XKR6: variants seen among roughly 807,000 people sequenced by gnomAD.
XKR6 encodes XK-related protein 6.
In XKR6, 22 loss-of-function variants were observed where a neutral mutation model predicts 56.7. That is an observed-to-expected ratio of 0.39 (90% CI 0.28 to 0.55). The LOEUF (loss-of-function observed/expected upper bound fraction) is 0.55, where lower values mean the gene tolerates loss of function less well. Among genes scored for constraint, XKR6 ranks in the 20% least tolerant of loss-of-function variants. XKR6 has a pLI of 0.66. For synonymous variants in XKR6, 524 were observed against 387.8 expected (o/e 1.35, Z -4.13); for missense variants, 852 against 889.0 (o/e 0.96, Z 0.53).
chr8:10,899,570 G>A (rs1252640102), intron 2 of XKR6, among the ~76,000 whole-genome samples: 1 of 152,174 alleles, frequency 6.6e-6, no homozygotes, highest in African/African-American at 2.4e-5. Context: ...ACCCACTCTG[G>A]TCTTTTCGGC....
At chr8:10,962,390 A>T (rs1802090368) in intron 1 of XKR6, among the ~76,000 whole-genome samples, 1 of 152,044 alleles carries the variant, frequency 6.6e-6, no homozygotes, top group Non-Finnish European at 1.5e-5. Flanking sequence ...GCTGCAGTGA[A>T]CCCCAAGAGG....
At chr8:10,901,214 C>T (rs1800028261) in intron 2 of XKR6, among the ~76,000 whole-genome samples, 1 of 151,954 alleles carries the variant, frequency 6.6e-6, no homozygotes, top group African/African-American at 2.4e-5. Context: ...CACCACCATG[C>T]CTGGGTAATT....
At chr8:11,025,493 T>C (rs775750233) in intron 1 of XKR6, among the ~76,000 whole-genome samples, 4 of 152,102 alleles carry the variant, frequency 2.6e-5, no homozygotes, top group African/African-American at 9.7e-5. Flanking sequence ...CAGAGACACA[T>C]ACTTTCCCTC....
At chr8:11,192,683 T>G (rs755951598) in intron 1 of XKR6, among the ~76,000 whole-genome samples, 1 of 152,180 alleles carries the variant, frequency 6.6e-6, no homozygotes, top group African/African-American at 2.4e-5. Flanking sequence ...TATTTCCCTG[T>G]GTGCTTCAAA....
At chr8:11,058,852 T>G (rs1298359883) in intron 1 of XKR6, among the ~76,000 whole-genome samples, 1 of 152,116 alleles carries the variant, frequency 6.6e-6, no homozygotes, top group East Asian at 1.9e-4. Context: ...TTAGTAAAAT[T>G]TTTAAAAAAA....
chr8:11,128,178 A>G (rs1189924446), intron 1 of XKR6, among the ~76,000 whole-genome samples: 1 of 152,162 alleles, frequency 6.6e-6, no homozygotes, highest in Non-Finnish European at 1.5e-5. Context: ...TTTCTACTAG[A>G]AACAGGAAAC....
At position 10,970,142 on chromosome 8, in the gene XKR6, C is replaced by T. The variant is rs569299118; in HGVS notation, c.765-45312G>A. Among the ~76,000 whole-genome samples, 6 of 152,280 alleles carry T rather than the reference C, an allele frequency of 3.9e-5. No homozygotes were observed. In the South Asian group the frequency reaches 8.3e-4, roughly 21 times the overall value. Reference sequence around the variant, plus strand: ...ATGCCTCTGGCTGCTCTCTGTGCTCCGGGACCCCATAACTCAGTGCATCAC... The same window carrying T: ...ATGCCTCTGGCTGCTCTCTGTGCTCTGGGACCCCATAACTCAGTGCATCAC... On this transcript the variant is annotated intron_variant, in intron 1 of 2. Coordinates refer to ENST00000416569, the MANE Select transcript of XKR6 (RefSeq NM_173683.4).
intron 1 of XKR6, among the ~76,000 whole-genome samples, chr8:11,080,759 C>T (rs1319659439): frequency 2.0e-5 from 3 of 152,258 alleles, no homozygotes; most frequent in Middle Eastern, 3.2e-3. Context: ...AGGGACACTA[C>T]CGTCAGAGAC....
chr8:11,115,208 C>A (rs1799116278), intron 1 of XKR6, among the ~76,000 whole-genome samples: 1 of 152,214 alleles, frequency 6.6e-6, no homozygotes. Flanking sequence ...CATCATGTGT[C>A]TGTCTCTTCA....
intron 1 of XKR6, among the ~76,000 whole-genome samples, chr8:10,953,177 C>G (rs977545319): frequency 3.9e-5 from 6 of 152,170 alleles, no homozygotes; most frequent in African/African-American, 1.4e-4. Flanking sequence ...AATACTCATC[C>G]TGAAACCATC....
intron 1 of XKR6, among the ~76,000 whole-genome samples, chr8:10,958,970 G>A (rs188941521): frequency 6.6e-6 from 1 of 152,226 alleles, no homozygotes; most frequent in South Asian, 2.1e-4. Context: ...TCAACAGGAA[G>A]GCATCAAGCC....
Position 11,200,662 on chromosome 8 carries a change from G to A in XKR6, c.678C>T (p.Pro226=), listed in dbSNP as rs749377142. 5.8e-6 allele frequency: 9 copies of A among 1,556,444 alleles called. No homozygotes were observed. The highest frequency in any genetic ancestry group is 7.7e-6 in the Non-Finnish European group (9 of 1,162,578). Residue 226 remains proline (P), a synonymous_variant, in exon 1 of 3, where the codon CCC becomes CCT. Coordinates refer to ENST00000416569, the MANE Select transcript of XKR6 (RefSeq NM_173683.4). This position sits in a 1 kb window ranked among gnomAD's most constrained non-coding sequence, Gnocchi z 6.4. Reference sequence around the variant, plus strand: ...GACACAGGCGCTGCGCCCCCGGCGTGGGGGAGACCCTCACGCCTGGGCCAC... The same window carrying A: ...GACACAGGCGCTGCGCCCCCGGCGTAGGGGAGACCCTCACGCCTGGGCCAC... ...ARGGPGVRVS[P]TPGAQRLCRL... is the part of the protein sequence containing the mutation.
chr8:11,168,131 T>C (rs180710435), intron 1 of XKR6, among the ~76,000 whole-genome samples: 1 of 152,230 alleles, frequency 6.6e-6, no homozygotes, highest in Admixed American at 6.5e-5. Flanking sequence ...AAACACCCCA[T>C]TTTCAACAGC....
At chr8:11,070,170 T>C (rs1800080483) in intron 1 of XKR6, among the ~76,000 whole-genome samples, 1 of 151,898 alleles carries the variant, frequency 6.6e-6, no homozygotes, top group African/African-American at 2.4e-5. Context: ...AGGACAAGAG[T>C]CTTTCATCTA....
chr8:11,000,181 C>T (rs1437874552), intron 1 of XKR6, among the ~76,000 whole-genome samples: 1 of 152,116 alleles, frequency 6.6e-6, no homozygotes, highest in African/African-American at 2.4e-5. Context: ...ACCCCTGGTC[C>T]TGTCTTCCTT....
chr8:11,176,470 T>C (rs1287294904), intron 1 of XKR6, among the ~76,000 whole-genome samples: 1 of 152,166 alleles, frequency 6.6e-6, no homozygotes, highest in Non-Finnish European at 1.5e-5. Context: ...TCAAATATAC[T>C]GGTTAACTGG....
intron 2 of XKR6, among the ~76,000 whole-genome samples, chr8:10,900,134 G>A (rs1385207718): frequency 1.3e-5 from 2 of 152,006 alleles, no homozygotes; most frequent in African/African-American, 4.8e-5. Flanking sequence ...CACTGGCAAC[G>A]ACCTCCTTAG....
At chr8:11,048,358 A>T (rs1275162670) in intron 1 of XKR6, among the ~76,000 whole-genome samples, 2 of 152,062 alleles carry the variant, frequency 1.3e-5, no homozygotes, top group Non-Finnish European at 2.9e-5. Context: ...AGGGGGAGGG[A>T]AACTACTGCT....
intron 1 of XKR6, among the ~76,000 whole-genome samples, chr8:11,095,521 G>T (rs906927345): frequency 2.0e-5 from 3 of 152,186 alleles, no homozygotes; most frequent in Non-Finnish European, 4.4e-5. Context: ...GGCTCCCCCA[G>T]CACACACTGT....
Sources: allele counts gnomAD v4.1 joint callset (sites outside exome capture counted in the v4.1 genomes callset), GRCh38; gene constraint gnomAD v4.1.1; non-coding constraint Gnocchi (gnomAD v3.1); transcripts MANE v1.5; gene names NCBI Gene and HGNC (gene_info 2026-07-23, HGNC 2026-07-21).